Variants in MACROD2 observed in about 807,000 individuals in gnomAD.
MACROD2 encodes the protein mono-ADP ribosylhydrolase 2, also known as ADP-ribose glycohydrolase MACROD2.
A neutral mutation model predicts 70.4 loss-of-function variants in MACROD2; 36 were observed. The observed-to-expected ratio is 0.51, with a 90% CI of 0.39 to 0.68. The LOEUF (loss-of-function observed/expected upper bound fraction) is 0.68, where lower values mean the gene tolerates loss of function less well. Ranked by LOEUF, MACROD2 falls within the 30% of genes least tolerant of loss-of-function variation. The pLI is 0.00. For missense variants in MACROD2, 496 were observed against 538.4 expected (o/e 0.92, Z 0.78); for synonymous variants, 172 against 178.8 (o/e 0.96, Z 0.30).
chr20:15,720,521 T>C (rs553728486), intron 8 of MACROD2, among the ~76,000 whole-genome samples: 1 of 152,338 alleles, frequency 6.6e-6, no homozygotes, highest in Admixed American at 6.5e-5. Context: ...AACCGCTGCA[T>C]CTTTACACGC....
At chr20:15,337,682 T>C (rs1461061973) in intron 6 of MACROD2, among the ~76,000 whole-genome samples, 3 of 151,666 alleles carry the variant, frequency 2.0e-5, no homozygotes, top group Non-Finnish European at 4.4e-5. Flanking sequence ...ATAGTCACCA[T>C]GTTGTAATGT....
chr20:14,577,881 A>C (rs1166077323), intron 4 of MACROD2, among the ~76,000 whole-genome samples: 1 of 148,760 alleles, frequency 6.7e-6, no homozygotes, highest in East Asian at 2.0e-4. Context: ...AATTCAGAAA[A>C]AATTCATGAA....
chr20:15,479,265 CT>C (rs767435610), intron 7 of MACROD2, among the ~76,000 whole-genome samples: 7,713 of 87,514 alleles, frequency 0.088, 64 homozygotes, highest in African/African-American at 0.11. Context: ...TTCTCGCTCT[CT>C]TTTTTTTTTT....
chr20:15,141,612 C>A (rs980100359), intron 5 of MACROD2, among the ~76,000 whole-genome samples: 2 of 152,162 alleles, frequency 1.3e-5, no homozygotes, highest in Non-Finnish European at 2.9e-5. Context: ...TAATTCGTAC[C>A]TTTCTAATGC....
intron 15 of MACROD2, among the ~76,000 whole-genome samples, chr20:15,993,268 G>A (rs56144643): frequency 7.3e-6 from 1 of 136,262 alleles, no homozygotes; most frequent in South Asian, 2.3e-4. Flanking sequence ...GTGTGTGTGT[G>A]TATAAAATCC....
rs965753550 is a variant in MACROD2 at position 14,319,258 on chromosome 20, A to G, written c.272-174221A>G. 5.3e-5 allele frequency among the ~76,000 whole-genome samples: 8 copies of G among 152,008 alleles called. 1 individual carries two copies. Among genetic ancestry groups the G allele is most frequent in the African/African-American group, 1.7e-4 (7 of 41,394 alleles). The stretch of plus-strand genomic sequence containing the variant: ...TCTCAGTGACTTTGTTCTCCTAGCT[A>G]GTGATTCTTGTAAAACTGTAGCTTC... On this transcript the variant is annotated intron_variant, in intron 3 of 17. Coordinates refer to ENST00000684519, the MANE Select transcript of MACROD2 (RefSeq NM_001351661.2).
rs780402865 is a variant in MACROD2, at chr20:15,155,652, G to C, written c.419-74288G>C. ...ATCATGTATCTCTCTTTCTTCATTA[G>C]AACAGGAGCTCCCTGAGTGTAGGAA... On this transcript the variant is annotated intron_variant, in intron 5 of 17. Coordinates refer to ENST00000684519, the MANE Select transcript of MACROD2 (RefSeq NM_001351661.2). 8.5e-5 allele frequency among the ~76,000 whole-genome samples: 13 copies of C among 152,088 alleles called. 1 individual carries two copies. Among genetic ancestry groups the C allele is most frequent in the Non-Finnish European group, 1.8e-4 (12 of 68,026 alleles).
chr20:15,056,985 C>T (rs925393056), intron 5 of MACROD2, among the ~76,000 whole-genome samples: 1 of 152,094 alleles, frequency 6.6e-6, no homozygotes, highest in African/African-American at 2.4e-5. Context: ...TATGTGGTTA[C>T]CTGACCAACC....
rs561024557 is a variant in MACROD2, at chr20:14,370,065, A to G, written c.272-123414A>G. Among the ~76,000 whole-genome samples, 427 of 152,324 alleles carry G rather than the reference A, an allele frequency of 2.8e-3. 1 individual carries two copies. Among genetic ancestry groups the G allele is most frequent in the African/African-American group, 9.9e-3 (412 of 41,580 alleles). On this transcript the variant is annotated intron_variant, in intron 3 of 17. Transcript: ENST00000684519. ...AGAAACAATTACCATAGAGTCTTCAAGACCTTATTATTAGAGATAAATGGA... is the reference window on the plus strand; with the variant it reads ...AGAAACAATTACCATAGAGTCTTCAGGACCTTATTATTAGAGATAAATGGA...
chr20:14,457,911 CCAA>C, intron 3 of MACROD2, among the ~76,000 whole-genome samples: 1 of 151,982 alleles, frequency 6.6e-6, no homozygotes, highest in Non-Finnish European at 1.5e-5. Flanking sequence ...ACCAGCCTGG[CCAA>C]CATGGTGAAA....
At chr20:14,175,189 G>A (rs1332770931) in intron 3 of MACROD2, among the ~76,000 whole-genome samples, 1 of 152,144 alleles carries the variant, frequency 6.6e-6, no homozygotes, top group African/African-American at 2.4e-5. Context: ...GAGCTGCAAG[G>A]TAGTCCTGCC....
chr20:15,874,094 T>C lies in MACROD2; in HGVS notation c.727+11268T>C, dbSNP rs1356056726. ...CCCCACCCCCCAACAGGCCCCAGTG[T>C]GTGATGTTCCCCTCCCTGTGTCCAT... On this transcript the variant is annotated intron_variant, in intron 9 of 17. Coordinates refer to ENST00000684519, the MANE Select transcript of MACROD2 (RefSeq NM_001351661.2). 2.8e-4 allele frequency among the ~76,000 whole-genome samples: 26 copies of C among 91,566 alleles called. No homozygotes were observed. In the Admixed American group the frequency reaches 3.9e-3, roughly 14 times the overall value. 60.1% of individuals were successfully genotyped at this position (91,566 alleles called of 152,430 possible).
intron 5 of MACROD2, among the ~76,000 whole-genome samples, chr20:15,049,435 T>C (rs1003613633): frequency 6.6e-6 from 1 of 152,062 alleles, no homozygotes; most frequent in African/African-American, 2.4e-5. Flanking sequence ...TTCTATCTCA[T>C]CATTGGCAAA....
chr20:15,343,635 G>A (rs1401354035), intron 6 of MACROD2, among the ~76,000 whole-genome samples: 1 of 152,110 alleles, frequency 6.6e-6, no homozygotes, highest in African/African-American at 2.4e-5. Context: ...TAGAAACTGG[G>A]TGTTTCATCT....
chr20:15,931,060 G>A (rs1278874405), intron 10 of MACROD2, among the ~76,000 whole-genome samples: 1 of 152,294 alleles, frequency 6.6e-6, no homozygotes, highest in African/African-American at 2.4e-5. Context: ...TGTCTTTTGA[G>A]GGAGACAGAG....
At chr20:14,285,371 C>A (rs939430877) in intron 3 of MACROD2, among the ~76,000 whole-genome samples, 1 of 152,114 alleles carries the variant, frequency 6.6e-6, no homozygotes, top group Admixed American at 6.5e-5. Context: ...CGTCAGGCAT[C>A]GAATTTTCCA....
Position 14,557,189 on chromosome 20 carries a change from T to A in MACROD2, c.301+63681T>A, listed in dbSNP as rs372630731. On this transcript the variant is annotated intron_variant, in intron 4 of 17. Transcript: ENST00000684519. The stretch of plus-strand genomic sequence containing the variant: ...ATATCCACATGCAAAAGAATGAAGT[T>A]AGATCCCTTCCTTACACCATATATA... 2.8e-4 allele frequency among the ~76,000 whole-genome samples: 42 copies of A among 152,104 alleles called. 1 individual carries two copies. The highest frequency in any genetic ancestry group is 9.6e-4 in the African/African-American group (40 of 41,544).
chr20:14,956,342 A>G (rs1159049416), intron 5 of MACROD2, among the ~76,000 whole-genome samples: 6 of 152,172 alleles, frequency 3.9e-5, no homozygotes, highest in Non-Finnish European at 7.4e-5. Flanking sequence ...AAAAAAGATC[A>G]ATATCATTTG....
intron 5 of MACROD2, among the ~76,000 whole-genome samples, chr20:14,910,530 T>C (rs1378542794): frequency 6.6e-6 from 1 of 152,230 alleles, no homozygotes; most frequent in Non-Finnish European, 1.5e-5. Flanking sequence ...AGGAAATTTG[T>C]TGAGAGCCCG....
Sources: allele counts gnomAD v4.1 joint callset (sites outside exome capture counted in the v4.1 genomes callset), GRCh38; gene constraint gnomAD v4.1.1; transcripts MANE v1.5; gene names NCBI Gene and HGNC (gene_info 2026-07-23, HGNC 2026-07-21).